ENDOD1: variants seen among roughly 807,000 people sequenced by gnomAD.
ENDOD1 encodes endonuclease domain containing 1.
In ENDOD1, 9 loss-of-function variants were observed where a neutral mutation model predicts 6.5. The observed-to-expected ratio is 1.39, with a 90% CI of 0.84 to 2.43. ENDOD1 has a LOEUF of 2.43. Among genes scored for constraint, ENDOD1 ranks in the 30% most tolerant of loss-of-function variants. The pLI is 0.00. For synonymous variants in ENDOD1, 255 were observed against 255.2 expected (o/e 1.00, Z 0.01); for missense variants, 648 against 635.5 (o/e 1.02, Z -0.21).
At chr11:95,127,145 G>T (rs1040502534) in intron 1 of ENDOD1, among the ~76,000 whole-genome samples, 1 of 152,214 alleles carries the variant, frequency 6.6e-6, no homozygotes, top group Non-Finnish European at 1.5e-5. Context: ...TGAGATTCTA[G>T]TATGTGTCAG....
In ENDOD1 at chr11:95,129,036, A is replaced by T. The variant is rs765445729; in HGVS notation, c.960A>T (p.Ala320=). ...SKRSTLLPPE[A]SEGSSSFLGK... is the part of the protein sequence containing the mutation. ...GGTCTACTCTGTTGCCTCCAGAGGC[A>T]TCTGAGGGAAGTAGTAGCTTTTTGG... The change falls in exon 2 of 2, where the codon GCA becomes GCT. Residue 320 remains alanine, a synonymous_variant. Transcript: ENST00000278505. 2.5e-6 allele frequency: 4 copies of T among 1,613,866 alleles called. No individual in the cohort carries two copies.
At chr11:95,126,128 G>A (rs958347908) in intron 1 of ENDOD1, among the ~76,000 whole-genome samples, 41 of 152,268 alleles carry the variant, frequency 2.7e-4, no homozygotes, top group African/African-American at 8.7e-4. Context: ...AGGGTCAACC[G>A]ATAGATTACT....
rs1288749594 is a variant in ENDOD1 at position 95,130,959 on chromosome 11, C to T, written c.*1380C>T. ...AAACAGCCAAGTATGAAATACTGATCTTGGGGCTACCGCCCAGGATCAATC... is the reference window on the plus strand; with the variant it reads ...AAACAGCCAAGTATGAAATACTGATTTTGGGGCTACCGCCCAGGATCAATC... On this transcript the variant is annotated 3_prime_UTR_variant, in exon 2 of 2. Transcript: ENST00000278505. 1 of 152,228 alleles carries T rather than the reference C, an allele frequency of 6.6e-6. No homozygotes were observed. The highest frequency in any genetic ancestry group is 2.4e-5 in the African/African-American group (1 of 41,456). 9.4% of individuals were successfully genotyped at this position (152,228 alleles called of 1,614,324 possible).
At chr11:95,097,882 C>T (rs1859001827) in intron 1 of ENDOD1, among the ~76,000 whole-genome samples, 1 of 152,042 alleles carries the variant, frequency 6.6e-6, no homozygotes, top group Non-Finnish European at 1.5e-5. Flanking sequence ...AAAGGAGGGG[C>T]TGTTTGGGGG....
At chr11:95,119,676 A>G (rs368842121) in intron 1 of ENDOD1, among the ~76,000 whole-genome samples, 1 of 152,300 alleles carries the variant, frequency 6.6e-6, no homozygotes. Flanking sequence ...GCTACTGCCT[A>G]TGTTTGCTCA....
rs779297815 is a variant in ENDOD1, at chr11:95,129,325, T to G, written c.1249T>G (p.Cys417Gly). Residue 417 changes from cysteine to glycine, a missense_variant, in exon 2 of 2, where the codon TGT (cysteine) becomes GGT (glycine). Transcript: ENST00000278505. ...CATCAGGGCTCTCCTCCGGATCCTT[T>G]GTTGTCTGCTGAAGGCCATTTGCCG... ...KVIRALLRILCCLLKAICRVL... is the reference protein window; with the variant it reads ...KVIRALLRILGCLLKAICRVL... The G allele has an allele frequency of 9.9e-6, 16 of 1,614,200 alleles. No individual in the cohort carries two copies. The highest frequency in any genetic ancestry group is 3.3e-5 in the Admixed American group (2 of 60,022).
At chr11:95,099,662 T>A (rs1420302731) in intron 1 of ENDOD1, among the ~76,000 whole-genome samples, 1 of 152,250 alleles carries the variant, frequency 6.6e-6, no homozygotes, top group Admixed American at 6.5e-5. Context: ...TCAGAACGTA[T>A]ACCTCCTTGA....
chr11:95,126,281 T>G (rs1174950577), intron 1 of ENDOD1, among the ~76,000 whole-genome samples: 2 of 152,242 alleles, frequency 1.3e-5, no homozygotes, highest in Admixed American at 1.3e-4. Flanking sequence ...GCCCTCAGAC[T>G]AGAGGTGCAA....
chr11:95,104,134 C>T (rs1859067646), intron 1 of ENDOD1, among the ~76,000 whole-genome samples: 1 of 152,202 alleles, frequency 6.6e-6, no homozygotes, highest in African/African-American at 2.4e-5. Flanking sequence ...CTCTGATCTG[C>T]TCCCAGACTT....
chr11:95,124,017 A>T (rs1859287869), intron 1 of ENDOD1, among the ~76,000 whole-genome samples: 1 of 152,312 alleles, frequency 6.6e-6, no homozygotes, highest in East Asian at 1.9e-4. Flanking sequence ...GTACTTAACT[A>T]TACACACTCC....
At chr11:95,106,331 G>A (rs1323883818) in intron 1 of ENDOD1, among the ~76,000 whole-genome samples, 2 of 152,174 alleles carry the variant, frequency 1.3e-5, no homozygotes, top group African/African-American at 4.8e-5. Context: ...GTAGTGACAG[G>A]GGCAGTTGTA....
chr11:95,128,089 T>A (rs953671449), intron 1 of ENDOD1, among the ~76,000 whole-genome samples: 3 of 152,274 alleles, frequency 2.0e-5, no homozygotes, highest in Non-Finnish European at 4.4e-5. Flanking sequence ...AAAAAGAACA[T>A]CACGATGGTG....
chr11:95,114,730 G>C (rs1169422576), intron 1 of ENDOD1, among the ~76,000 whole-genome samples: 2 of 152,008 alleles, frequency 1.3e-5, no homozygotes, highest in Non-Finnish European at 2.9e-5. Flanking sequence ...AGTTTTCCTG[G>C]CCCCATTTAT....
intron 1 of ENDOD1, among the ~76,000 whole-genome samples, chr11:95,108,234 TC>T (rs1337232177): frequency 1.3e-5 from 2 of 152,210 alleles, no homozygotes; most frequent in Non-Finnish European, 2.9e-5. Flanking sequence ...CGTTTTATCT[TC>T]CGTTCCACCG....
At chr11:95,115,050 T>C (rs758545528) in intron 1 of ENDOD1, among the ~76,000 whole-genome samples, 19 of 152,244 alleles carry the variant, frequency 1.2e-4, no homozygotes, top group Non-Finnish European at 2.1e-4. Context: ...GATATTTTGA[T>C]AGGGATTGCA....
chr11:95,130,075 T>C lies in ENDOD1; in HGVS notation c.*496T>C, dbSNP rs1368976731. 1.3e-5 allele frequency: 2 copies of C among 153,484 alleles called. No individual in the cohort carries two copies. Among genetic ancestry groups the C allele is most frequent in the Admixed American group, 6.5e-5 (1 of 15,496 alleles). 9.5% of individuals were successfully genotyped at this position (153,484 alleles called of 1,614,324 possible). On this transcript the variant is annotated 3_prime_UTR_variant, in exon 2 of 2. Transcript: ENST00000278505. ...TCTTTCTCCTCAACTCGACTGACCT[T>C]GGTGGAATGCAGATAATGCCTCTTT...
chr11:95,110,581 G>GTA (rs1316113759), intron 1 of ENDOD1, among the ~76,000 whole-genome samples: 2 of 129,558 alleles, frequency 1.5e-5, no homozygotes, highest in African/African-American at 5.6e-5. Context: ...GTCCGTGTAT[G>GTA]TATGTGTGTG....
In ENDOD1 at chr11:95,129,298, G is replaced by C; in HGVS notation, c.1222G>C (p.Val408Leu). The change falls in exon 2 of 2, where the codon GTC becomes CTC. Residue 408 changes from valine (V) to leucine (L), a missense_variant. Val to Leu is a conservative substitution (Grantham distance 32). Transcript: ENST00000278505. Reference protein sequence around the residue: ...PWKVLKVVAKVIRALLRILCC... With the variant: ...PWKVLKVVAKLIRALLRILCC... ...GAAGGTGCTCAAGGTCGTGGCCAAA[G>C]TCATCAGGGCTCTCCTCCGGATCCT... 6.2e-7 allele frequency: 1 copy of C among 1,614,210 alleles called. No individual in the cohort carries two copies. The highest frequency in any genetic ancestry group is 1.3e-5 in the African/African-American group (1 of 75,054).
chr11:95,103,647 G>A (rs1220753462), intron 1 of ENDOD1, among the ~76,000 whole-genome samples: 5 of 152,184 alleles, frequency 3.3e-5, no homozygotes, highest in African/African-American at 1.2e-4. Context: ...GAGTGGTTAA[G>A]AAAATGGGTT....
Sources: gnomAD v4.1 joint callset for allele counts (sites outside exome capture counted in the v4.1 genomes callset) on GRCh38, gnomAD v4.1.1 for gene constraint, MANE v1.5 for transcripts, NCBI Gene and HGNC (gene_info 2026-07-23, HGNC 2026-07-21) for gene names.